TADA3: variants seen among roughly 807,000 people sequenced by gnomAD.
The protein encoded by TADA3 is transcriptional adapter 3.
TADA3 carries 25 observed loss-of-function variants against 43.2 expected under a neutral mutation model. The ratio of observed to expected loss-of-function variants is 0.58; its 90% CI spans 0.42 to 0.81. The LOEUF is 0.81. Among genes scored for constraint, TADA3 ranks in the 30% least tolerant of loss-of-function variants. TADA3 has a pLI of 0.00. For missense variants in TADA3, 441 were observed against 567.8 expected, an observed-to-expected ratio of 0.78 and a Z score of 2.27; for synonymous variants, 235 against 225.5, an observed-to-expected ratio of 1.04 and a Z score of -0.38.
chr3:9,785,012 C>G (rs1256404356), intron 7 of TADA3, among the ~76,000 whole-genome samples: 1 of 152,160 alleles, frequency 6.6e-6, no homozygotes, highest in Non-Finnish European at 1.5e-5. Flanking sequence ...TTTCTCTATA[C>G]TTGCAGCTAT....
chr3:9,791,145 C>T (rs1429362069), intron 2 of TADA3, 115 bp downstream of exon 2: 8 of 1,026,220 alleles, frequency 7.8e-6, no homozygotes, highest in African/African-American at 1.6e-5. Flanking sequence ...CGTCTCTCTC[C>T]CTCTCCCCAC....
chr3:9,784,315 C>A, intron 7 of TADA3, 102 bp from the exon 8 acceptor site: 2 of 1,427,662 alleles, frequency 1.4e-6, no homozygotes. Flanking sequence ...ACCTGCCTTT[C>A]CCTTTGGGCA....
At chr3:9,786,925 T>C (rs2078627889) in intron 6 of TADA3, 81 bp downstream of exon 6, 1 of 1,324,704 alleles carries the variant, frequency 7.5e-7, no homozygotes, top group South Asian at 1.3e-5. Context: ...AATAAATGTA[T>C]GATAAATTCC....
At position 9,780,272 on chromosome 3, in the gene TADA3, C is replaced by T; in HGVS notation, c.*85G>A. On this transcript the variant is annotated 3_prime_UTR_variant, in exon 9 of 9. Transcript: ENST00000301964. ...CCGCCATTTGAGGGACAGCCACAGG[C>T]CAATGTTTCCTGTGCCCAAAGAAGG... is the stretch of plus-strand genomic sequence containing the variant. 7.1e-7 allele frequency: 1 copy of T among 1,413,010 alleles called. No homozygotes were observed. The highest frequency in any genetic ancestry group is 9.6e-7 in the Non-Finnish European group (1 of 1,038,552). The allele number at this position is 1,413,010 out of a possible 1,614,324, so 87.5% of individuals were successfully genotyped here. A position where few individuals can be genotyped will look rare whatever the true frequency, so the allele number is the denominator to read the frequency against.
At chr3:9,790,822 G>C (rs561180216) in intron 2 of TADA3, among the ~76,000 whole-genome samples, 1 of 152,306 alleles carries the variant, frequency 6.6e-6, no homozygotes, top group African/African-American at 2.4e-5. Context: ...AAGTCACATA[G>C]CTAGGAAACA....
chr3:9,784,707 A>T (rs1210601549), intron 7 of TADA3, among the ~76,000 whole-genome samples: 1 of 152,036 alleles, frequency 6.6e-6, no homozygotes, highest in East Asian at 1.9e-4. Flanking sequence ...TCTACTAAAA[A>T]TACAAAAATG....
At position 9,791,293 on chromosome 3, in the gene TADA3, G is replaced by A. The variant is rs773018704; in HGVS notation, c.174C>T (p.Ser58=). Residue 58 remains serine, a synonymous_variant, in exon 2 of 9, where the codon AGC becomes AGT. Transcript: ENST00000301964. ...CGGCCTCAAGCACACGCAGGCGCCG[G>A]CTGGCAGAAGACAGCAGGGTCTCCA... The part of the protein sequence containing the change: ...LELETLLSSA[S]RRLRVLEAET... The A allele has an allele frequency of 6.2e-7, 1 of 1,613,526 alleles. No individual in the cohort carries two copies.
intron 6 of TADA3, among the ~76,000 whole-genome samples, chr3:9,786,469 G>A (rs540334896): frequency 6.6e-6 from 1 of 151,926 alleles, no homozygotes; most frequent in South Asian, 2.1e-4. Flanking sequence ...AGAGTGTGAG[G>A]GTGTGTCTAA....
chr3:9,781,169 G>A (rs2078452292), intron 8 of TADA3, among the ~76,000 whole-genome samples: 2 of 151,978 alleles, frequency 1.3e-5, no homozygotes, highest in South Asian at 4.2e-4. Flanking sequence ...CAGTAGGCTG[G>A]GCAAAGTAGC....
chr3:9,785,265 G>T, intron 7 of TADA3, 51 bp downstream of exon 7: 1 of 1,453,070 alleles, frequency 6.9e-7, no homozygotes, highest in Non-Finnish European at 9.6e-7. Flanking sequence ...ATGGAGAGAA[G>T]CCAACAGAAG....
intron 7 of TADA3, among the ~76,000 whole-genome samples, chr3:9,784,708 T>C (rs1575298563): frequency 6.6e-6 from 1 of 151,644 alleles, no homozygotes; most frequent in African/African-American, 2.4e-5. Context: ...CTACTAAAAA[T>C]ACAAAAATGA....
chr3:9,791,623 C>A, intron 1 of TADA3, 130 bp from the exon 2 acceptor site: 1 of 592,922 alleles, frequency 1.7e-6, no homozygotes, highest in Non-Finnish European at 2.9e-6. Context: ...GGCACAGTTC[C>A]TACTCACAGG....
intron 2 of TADA3, among the ~76,000 whole-genome samples, chr3:9,790,272 G>C (rs963547387): frequency 6.6e-6 from 1 of 152,126 alleles, no homozygotes; most frequent in East Asian, 1.9e-4. Flanking sequence ...CCTTCACTTC[G>C]ATGTCACCAC....
chr3:9,791,546 A>G, intron 1 of TADA3, 53 bp from the exon 2 acceptor site: 2 of 1,132,650 alleles, frequency 1.8e-6, no homozygotes, highest in Non-Finnish European at 2.5e-6. Flanking sequence ...GAAAAGCCCA[A>G]GGGCTTCTTA....
chr3:9,792,807 T>C (rs2078774330), upstream of TADA3: 7 of 1,334,302 alleles, frequency 5.2e-6, no homozygotes, highest in Non-Finnish European at 6.7e-6. Flanking sequence ...GAAGCTGGGC[T>C]GTACCATTGC....
At chr3:9,790,656 T>C (rs868130118) in intron 2 of TADA3, among the ~76,000 whole-genome samples, 2 of 152,298 alleles carry the variant, frequency 1.3e-5, no homozygotes, top group Middle Eastern at 3.4e-3. Context: ...AGCAAATAAA[T>C]AACATCTGAA....
At chr3:9,792,972 G>C (rs1005777087), upstream of TADA3, 24 of 1,423,208 alleles carry the variant, frequency 1.7e-5, no homozygotes, top group Non-Finnish European at 2.1e-5. Context: ...AGGCCCAAGC[G>C]TTCGTAAGGG....
At chr3:9,783,714 C>T in intron 8 of TADA3, 1 of 218,408 alleles carries the variant, frequency 4.6e-6, no homozygotes, top group Middle Eastern at 1.7e-3. Context: ...GGAGGCGGAG[C>T]TTGCAGTGAG....
chr3:9,785,026 AT>A (rs538165046), intron 7 of TADA3, among the ~76,000 whole-genome samples: 357 of 152,268 alleles, frequency 2.3e-3, no homozygotes, highest in African/African-American at 8.3e-3. Context: ...CAGCTATATG[AT>A]TAATAGCCCC....
Sources: gnomAD v4.1 joint callset for allele counts (sites outside exome capture counted in the v4.1 genomes callset) on GRCh38, gnomAD v4.1.1 for gene constraint, MANE v1.5 for transcripts, NCBI Gene and HGNC (gene_info 2026-07-23, HGNC 2026-07-21) for gene names.